KIAA1671: variants seen among roughly 807,000 people sequenced by gnomAD.
The protein encoded by KIAA1671 is KIAA1671.
KIAA1671 carries 52 observed loss-of-function variants against 131.2 expected under a neutral mutation model. The observed-to-expected ratio is 0.40, with a 90% confidence interval of 0.32 to 0.50. The LOEUF (loss-of-function observed/expected upper bound fraction) is 0.50. KIAA1671 is among the 20% of genes least tolerant of loss of function. The pLI is 0.73. For synonymous variants in KIAA1671, 1,003 were observed against 961.6 expected, an observed-to-expected ratio of 1.04 and a Z score of -0.80; for missense variants, 2,360 against 2,364.2, an observed-to-expected ratio of 1.00 and a Z score of 0.04.
rs373329070 is a variant in KIAA1671, at chr22:24,996,966, G to A, written c.-207-28667G>A. On this transcript the variant is annotated intron_variant, in intron 1 of 12. Transcript: ENST00000358431. Reference sequence around the variant, plus strand: ...TAATTGGCTGTGTGACCTTAGGCAAGCCTCTCGGGGCCGAATTTTACCTTC... The same window carrying A: ...TAATTGGCTGTGTGACCTTAGGCAAACCTCTCGGGGCCGAATTTTACCTTC... Among the ~76,000 whole-genome samples the A allele has an allele frequency of 3.5e-4, 54 of 152,286 alleles. No individual in the cohort carries two copies. In the East Asian group the frequency reaches 8.9e-3, roughly 25 times the overall value.
At chr22:25,106,393 C>G (rs1408775606) in intron 6 of KIAA1671, among the ~76,000 whole-genome samples, 1 of 152,300 alleles carries the variant, frequency 6.6e-6, no homozygotes, top group Admixed American at 6.5e-5. Context: ...CTGAGCCTTT[C>G]GTAACCAGCA....
intron 6 of KIAA1671, among the ~76,000 whole-genome samples, chr22:25,115,470 T>C (rs918165250): frequency 6.6e-6 from 1 of 152,108 alleles, no homozygotes; most frequent in Admixed American, 6.6e-5. Context: ...ATCTGAAACA[T>C]GGAGATTCAG....
At chr22:25,067,187 C>T (rs550563557) in intron 6 of KIAA1671, among the ~76,000 whole-genome samples, 1 of 152,100 alleles carries the variant, frequency 6.6e-6, no homozygotes, top group Non-Finnish European at 1.5e-5. Flanking sequence ...ATTGTTGGCA[C>T]CTGCCCAGCG....
chr22:24,972,852 A>G lies in KIAA1671; in HGVS notation c.-208+20080A>G, dbSNP rs77003180. On this transcript the variant is annotated intron_variant, in intron 1 of 12. Transcript: ENST00000358431. Reference sequence around the variant, plus strand: ...AAGTCCGTTCATAAACCAGAACTTCAGATAATGATTAAGAGCGATGGTGAA... The same window carrying G: ...AAGTCCGTTCATAAACCAGAACTTCGGATAATGATTAAGAGCGATGGTGAA... Among the ~76,000 whole-genome samples the G allele has an allele frequency of 9.4e-3, 1,437 of 152,370 alleles. 18 individuals are homozygous for G. Among genetic ancestry groups the G allele is most frequent in the African/African-American group, 0.032 (1,330 of 41,584 alleles).
At chr22:25,147,727 G>A (rs1031345172) in intron 6 of KIAA1671, among the ~76,000 whole-genome samples, 1 of 152,104 alleles carries the variant, frequency 6.6e-6, no homozygotes, top group Non-Finnish European at 1.5e-5. Flanking sequence ...TCCACAGCAG[G>A]TATCACCTTG....
Position 25,028,040 on chromosome 22 carries a change from C to T in KIAA1671, c.41C>T (p.Thr14Met), listed in dbSNP as rs1275595703. Residue 14 changes from threonine to methionine, a missense_variant, in exon 3 of 13, where the codon ACG (threonine) becomes ATG (methionine). Physicochemically the swap from Thr to Met is moderately conservative, Grantham distance 81 (BLOSUM62 -1). This residue lies in a region of KIAA1671 where 1,185 missense variants were observed against 1,126.2 expected (regional missense o/e 1.05). Transcript: ENST00000358431. ...RVEVGSITPL[T>M]AVPGLGEMGK... ...GAGGTGGGCTCCATAACGCCCTTGACGGCCGTGCCAGGCCTGGGTGAGATG... is the reference window on the plus strand; with the variant it reads ...GAGGTGGGCTCCATAACGCCCTTGATGGCCGTGCCAGGCCTGGGTGAGATG... 22 of 1,532,716 alleles carry T rather than the reference C, an allele frequency of 1.4e-5. No homozygotes were observed. Among genetic ancestry groups the T allele is most frequent in the South Asian group, 1.3e-4 (11 of 81,836 alleles). 94.9% of individuals were successfully genotyped at this position (1,532,716 alleles called of 1,614,324 possible).
intron 4 of KIAA1671, among the ~76,000 whole-genome samples, chr22:25,035,087 C>T (rs1926517328): frequency 7.1e-6 from 1 of 141,016 alleles, no homozygotes; most frequent in African/African-American, 2.7e-5. Context: ...TACTCTGTTG[C>T]CTGGGATAGT....
chr22:24,963,899 C>T (rs1345800379), intron 1 of KIAA1671, among the ~76,000 whole-genome samples: 2 of 141,194 alleles, frequency 1.4e-5, no homozygotes, highest in Non-Finnish European at 3.1e-5. Context: ...AAGATCACGC[C>T]ACTGCACTCC....
chr22:25,093,511 T>C (rs1321444280), intron 6 of KIAA1671, among the ~76,000 whole-genome samples: 1 of 152,150 alleles, frequency 6.6e-6, no homozygotes, highest in Non-Finnish European at 1.5e-5. Flanking sequence ...GGCAGTTCAT[T>C]ACTGCACAGT....
chr22:25,141,162 G>A lies in KIAA1671; in HGVS notation c.4531-29658G>A, dbSNP rs578052514. ...CTTTATAAAACAAGGATCAAAGAAT[G>A]GGCAGGAAGTAAATTCACCCACATT... On this transcript the variant is annotated intron_variant, in intron 6 of 12. Transcript: ENST00000358431. Among the ~76,000 whole-genome samples the A allele has an allele frequency of 1.3e-4, 20 of 152,264 alleles. No homozygotes were observed. The East Asian group carries it at 2.7e-3, about 21-fold the overall frequency.
intron 6 of KIAA1671, among the ~76,000 whole-genome samples, chr22:25,068,745 C>T (rs1928639679): frequency 1.3e-5 from 2 of 152,196 alleles, no homozygotes; most frequent in Non-Finnish European, 1.5e-5. Flanking sequence ...CCACCCTCTC[C>T]TTATTTAAGT....
chr22:25,088,425 T>C (rs940354344), intron 6 of KIAA1671, among the ~76,000 whole-genome samples: 1 of 152,080 alleles, frequency 6.6e-6, no homozygotes, highest in African/African-American at 2.4e-5. Context: ...CTTTCATTCC[T>C]CAAACACTTA....
chr22:25,100,739 A>G (rs2145895542), intron 6 of KIAA1671, among the ~76,000 whole-genome samples: 1 of 152,326 alleles, frequency 6.6e-6, no homozygotes, highest in South Asian at 2.1e-4. Context: ...GCTTACTACA[A>G]ACCCCAAGTA....
chr22:24,996,952 G>A (rs1569201629), intron 1 of KIAA1671, among the ~76,000 whole-genome samples: 1 of 152,180 alleles, frequency 6.6e-6, no homozygotes, highest in Non-Finnish European at 1.5e-5. Flanking sequence ...AATTGGCTGT[G>A]TGACCTTAGG....
At chr22:24,979,731 A>C (rs1236082763) in intron 1 of KIAA1671, among the ~76,000 whole-genome samples, 1 of 151,722 alleles carries the variant, frequency 6.6e-6, no homozygotes, top group African/African-American at 2.4e-5. Context: ...TATCTCCAGA[A>C]CTCTCTCCGT....
chr22:25,087,728 T>C (rs538551743), intron 6 of KIAA1671, among the ~76,000 whole-genome samples: 1 of 152,326 alleles, frequency 6.6e-6, no homozygotes, highest in East Asian at 1.9e-4. Flanking sequence ...TGACAACAGC[T>C]TGAGTCAACG....
chr22:25,125,468 C>T (rs183189243), intron 6 of KIAA1671, among the ~76,000 whole-genome samples: 4 of 152,314 alleles, frequency 2.6e-5, no homozygotes, highest in Admixed American at 1.3e-4. Context: ...GGTCTGCTGA[C>T]GTCTCATTTC....
At position 25,040,022 on chromosome 22, in the gene KIAA1671, T is replaced by C. The variant is rs1926826971; in HGVS notation, c.2892T>C (p.Leu964=). The part of the protein sequence containing the change: ...PNVKFDTFSS[L]VPEDSPHVGH... The stretch of plus-strand genomic sequence containing the variant: ...TGAAATTTGATACATTCAGTTCTCT[T>C]GTCCCAGAGGACTCTCCACATGTGG... Residue 964 remains leucine (L), a synonymous_variant, in exon 5 of 13, where the codon CTT becomes CTC. Coordinates refer to ENST00000358431, the MANE Select transcript of KIAA1671 (RefSeq NM_001145206.2). The C allele has an allele frequency of 2.6e-6, 4 of 1,551,698 alleles. No homozygotes were observed. Among genetic ancestry groups the C allele is most frequent in the Non-Finnish European group, 3.5e-6 (4 of 1,147,002 alleles).
chr22:25,163,996 T>C (rs1269664197), intron 6 of KIAA1671, among the ~76,000 whole-genome samples: 1 of 152,172 alleles, frequency 6.6e-6, no homozygotes, highest in Non-Finnish European at 1.5e-5. Flanking sequence ...CTTTAGGGGG[T>C]ACATGTTACC....
Sources: gnomAD v4.1 joint callset for allele counts (sites outside exome capture counted in the v4.1 genomes callset) on GRCh38, gnomAD v4.1.1 for gene constraint, gnomAD v4.1.1 regional missense constraint, MANE v1.5 for transcripts, NCBI Gene and HGNC (gene_info 2026-07-23, HGNC 2026-07-21) for gene names.